VWA5B1: variants seen among roughly 807,000 people sequenced by gnomAD.
VWA5B1 encodes the protein von Willebrand factor A domain-containing protein 5B1.
A neutral mutation model predicts 118.2 loss-of-function variants in VWA5B1; 115 were observed. That is an observed-to-expected ratio of 0.97 (90% confidence interval 0.84 to 1.14). The LOEUF (loss-of-function observed/expected upper bound fraction) is 1.14, where lower values mean the gene tolerates loss of function less well. Ranked by LOEUF, VWA5B1 falls within the 50% of genes most tolerant of loss-of-function variation. The probability of loss-of-function intolerance (pLI) is 0.00; values close to 1 mark genes in which losing one functional copy is unlikely to be tolerated. For synonymous variants in VWA5B1, 682 were observed against 658.4 expected, an observed-to-expected ratio of 1.04 and a Z score of -0.55; for missense variants, 1,596 against 1,603.8, an observed-to-expected ratio of 1.00 and a Z score of 0.08.
At chr1:20,318,842 G>C (rs889963821) in intron 6 of VWA5B1, 121 bp downstream of exon 6, 41 of 1,374,694 alleles carry the variant, frequency 3.0e-5, no homozygotes, top group Non-Finnish European at 3.7e-5. Flanking sequence ...GAGTCGGGGT[G>C]GGGGGTGTGG....
chr1:20,353,848 C>T lies in VWA5B1; in HGVS notation c.3233C>T (p.Ser1078Phe), dbSNP rs2090178150. The part of the protein sequence containing the change: ...HIPMEKLKWT[S>F]PFTCHRVSLT... ...CCCATGGAGAAGCTCAAGTGGACGT[C>T]CCCCTTCACCTGCCATCGAGTGTCC... is the stretch of plus-strand genomic sequence containing the variant. The change falls in exon 22 of 22, where the codon TCC (serine) becomes TTC (phenylalanine). Residue 1078 changes from serine (S) to phenylalanine (F), a missense_variant. Physicochemically the swap from Ser to Phe is radical, Grantham distance 155. Coordinates refer to ENST00000289815, the MANE Select transcript of VWA5B1 (RefSeq NM_001039500.3). 1 of 1,534,126 alleles carries T rather than the reference C, an allele frequency of 6.5e-7. No individual in the cohort carries two copies. The highest frequency in any genetic ancestry group is 8.8e-7 in the Non-Finnish European group (1 of 1,138,378).
At chr1:20,309,011 CTT>C (rs1570076617) in intron 1 of VWA5B1, among the ~76,000 whole-genome samples, 1 of 152,286 alleles carries the variant, frequency 6.6e-6, no homozygotes, top group East Asian at 1.9e-4. Flanking sequence ...CTTCATTTGA[CTT>C]TGCTTCCCAT....
At chr1:20,330,429 G>C in intron 10 of VWA5B1, 47 bp downstream of exon 10, 1 of 1,546,178 alleles carries the variant, frequency 6.5e-7, no homozygotes, top group Admixed American at 2.0e-5. Flanking sequence ...AGGCTGCCGG[G>C]GCTGGGGCGC....
chr1:20,349,119 C>T (rs943532629), intron 18 of VWA5B1: 3 of 390,918 alleles, frequency 7.7e-6, no homozygotes, highest in Admixed American at 2.7e-5. Context: ...TGCTCACAGA[C>T]ATTGATGGGT....
chr1:20,302,694 T>C (rs1032580438), intron 1 of VWA5B1, among the ~76,000 whole-genome samples: 1 of 152,144 alleles, frequency 6.6e-6, no homozygotes, highest in African/African-American at 2.4e-5. Context: ...TGAGTGGTGC[T>C]GACTGTGCTG....
chr1:20,310,550 C>A, intron 1 of VWA5B1, 26 bp from the exon 2 acceptor site: 1 of 1,462,528 alleles, frequency 6.8e-7, no homozygotes. Flanking sequence ...CCTCTTCCCA[C>A]TTCCTGCCCT....
In VWA5B1 at chr1:20,340,134, G is replaced by A. The variant is rs1403062037; in HGVS notation, c.2133+2298G>A. ...CTCTGCTCTTCTCTCGCCCCCTCCT[G>A]CCTGGCTTCTTCCCCAACCTGATGC... On this transcript the variant is annotated intron_variant, in intron 14 of 21. Transcript: ENST00000289815. 4.6e-5 allele frequency among the ~76,000 whole-genome samples: 7 copies of A among 151,692 alleles called. No homozygotes were observed. In the East Asian group the frequency reaches 1.4e-3, roughly 29 times the overall value.
In VWA5B1 at chr1:20,318,305, C is replaced by T; in HGVS notation, c.710-285C>T. The stretch of plus-strand genomic sequence containing the variant: ...GGAGCGCTGAGAGCCATCTGCTTGG[C>T]AGGATGCTGGGATCAGTGCGTGCCC... On this transcript the variant is annotated intron_variant, in intron 5 of 21. Coordinates refer to ENST00000289815, the MANE Select transcript of VWA5B1 (RefSeq NM_001039500.3). 3 of 453,340 alleles carry T rather than the reference C, an allele frequency of 6.6e-6. No individual in the cohort carries two copies. The South Asian group carries it at 6.7e-5, about 10-fold the overall frequency. The allele number at this position is 453,340 out of a possible 1,614,324, so 28.1% of individuals were successfully genotyped here. A position where few individuals can be genotyped will look rare whatever the true frequency, so the allele number is the denominator to read the frequency against.
rs753893071 is a variant in VWA5B1, at chr1:20,330,864, G to A, written c.1458-5G>A. The A allele has an allele frequency of 1.7e-4, 269 of 1,551,472 alleles. 5 individuals carry two copies. In the South Asian group the frequency reaches 2.9e-3, roughly 17 times the overall value. Reference sequence around the variant, plus strand: ...ATAGCAGCCTCTCTTCTCCCTTTCCGCCAGGTGCTATAGCTTTGGAATTGG... The same window carrying A: ...ATAGCAGCCTCTCTTCTCCCTTTCCACCAGGTGCTATAGCTTTGGAATTGG... On this transcript the variant is annotated splice_polypyrimidine_tract_variant and splice_region_variant and intron_variant, in intron 10 of 21. Coordinates refer to ENST00000289815, the MANE Select transcript of VWA5B1 (RefSeq NM_001039500.3).
At chr1:20,350,072 T>C in intron 18 of VWA5B1, 84 bp from the exon 19 acceptor site, 2 of 1,390,828 alleles carry the variant, frequency 1.4e-6, no homozygotes, top group Middle Eastern at 2.0e-4. Context: ...GCAGACACCG[T>C]GAATTAGACC....
At chr1:20,325,041 A>G (rs1188224991) in intron 8 of VWA5B1, among the ~76,000 whole-genome samples, 2 of 152,120 alleles carry the variant, frequency 1.3e-5, no homozygotes, top group African/African-American at 4.8e-5. Flanking sequence ...TAAACCTAAA[A>G]CATGCCTTAG....
chr1:20,331,049 G>A (rs2089539421), intron 11 of VWA5B1, 66 bp downstream of exon 11: 1 of 1,357,018 alleles, frequency 7.4e-7, no homozygotes, highest in Non-Finnish European at 1.0e-6. Flanking sequence ...CCAGTCACAT[G>A]GCAACTCAGT....
At chr1:20,330,492 A>G (rs1405082972) in intron 10 of VWA5B1, 110 bp downstream of exon 10, 3 of 1,292,286 alleles carry the variant, frequency 2.3e-6, no homozygotes, top group Non-Finnish European at 2.1e-6. Flanking sequence ...AGGACCCACA[A>G]TTCCCAAAGG....
chr1:20,328,765 A>G (rs2089461075), intron 9 of VWA5B1, among the ~76,000 whole-genome samples: 1 of 152,216 alleles, frequency 6.6e-6, no homozygotes. Flanking sequence ...CAACAACAAA[A>G]GAATAATATG....
intron 18 of VWA5B1, among the ~76,000 whole-genome samples, chr1:20,349,836 T>C (rs1191207094): frequency 1.3e-5 from 2 of 151,938 alleles, no homozygotes; most frequent in African/African-American, 4.8e-5. Context: ...ATTTCATCTT[T>C]ACAACACTGT....
intron 8 of VWA5B1, among the ~76,000 whole-genome samples, chr1:20,325,194 T>G (rs1030321914): frequency 7.9e-5 from 12 of 152,218 alleles, no homozygotes; most frequent in Non-Finnish European, 1.2e-4. Flanking sequence ...TTCCTTACAT[T>G]GCTTATGGAG....
chr1:20,351,338 G>A (rs2090124987), intron 20 of VWA5B1, among the ~76,000 whole-genome samples: 2 of 151,972 alleles, frequency 1.3e-5, no homozygotes, highest in Non-Finnish European at 2.9e-5. Flanking sequence ...GCGCAACACA[G>A]TAAGACCCTG....
At chr1:20,331,951 A>C (rs1228095136) in intron 11 of VWA5B1, among the ~76,000 whole-genome samples, 2 of 152,128 alleles carry the variant, frequency 1.3e-5, no homozygotes, top group African/African-American at 4.8e-5. Flanking sequence ...TCATTTACTA[A>C]ACACCTACCA....
intron 9 of VWA5B1, among the ~76,000 whole-genome samples, chr1:20,329,287 C>CTTTTTTT (rs10578067): frequency 2.1e-4 from 19 of 89,216 alleles, no homozygotes; most frequent in African/African-American, 3.5e-4. Flanking sequence ...TTTCTTTTCC[C>CTTTTTTT]TTTTTTTTTT....
Sources: gnomAD v4.1 joint callset for allele counts (sites outside exome capture counted in the v4.1 genomes callset) on GRCh38, gnomAD v4.1.1 for gene constraint, MANE v1.5 for transcripts, NCBI Gene and HGNC (gene_info 2026-07-23, HGNC 2026-07-21) for gene names.